The following DNAH9 variants were observed in gnomAD, a reference collection of about 807,000 sequenced individuals.
The protein encoded by DNAH9 is dynein axonemal heavy chain 9.
Under a neutral mutation model 471.6 loss-of-function variants are expected in DNAH9, and 345 were observed. That is an observed-to-expected ratio of 0.73 (90% CI 0.67 to 0.80). The LOEUF is 0.80. Among genes scored for constraint, DNAH9 ranks in the 30% least tolerant of loss-of-function variants. The probability of loss-of-function intolerance (pLI) is 0.00; values close to 1 mark genes in which losing one functional copy is unlikely to be tolerated. For missense variants in DNAH9, 5,407 were observed against 5,609.2 expected, an observed-to-expected ratio of 0.96 and a Z score of 1.15; for synonymous variants, 2,093 against 2,123.6, an observed-to-expected ratio of 0.99 and a Z score of 0.40.
At position 11,962,072 on chromosome 17, in the gene DNAH9, T is replaced by C. The variant is rs757960648; in HGVS notation, c.13049T>C (p.Phe4350Ser). 4.6e-5 allele frequency: 74 copies of C among 1,614,038 alleles called. No individual in the cohort carries two copies. Among genetic ancestry groups the C allele is most frequent in the Middle Eastern group, 1.6e-4 (1 of 6,084 alleles). The change falls in exon 68 of 69, where the codon TTC becomes TCC. Residue 4350 changes from phenylalanine (F) to serine (S), a missense_variant. By Grantham distance (155) the Phe-to-Ser change is radical (BLOSUM62 -2). This residue lies in a region of DNAH9 where 4,636 missense variants were observed against 4,900.3 expected (regional missense o/e 0.95). Coordinates refer to ENST00000262442, the MANE Select transcript of DNAH9 (RefSeq NM_001372.4). The surrounding 1 kb of genome is among the most constrained non-coding windows in gnomAD (Gnocchi z 4.1). ...TCCACTGTGTGGCTGACAGGCTTCT[T>C]CAACCCCCAGTCGTTCCTGACTGCC... ...MPSTVWLTGF[F>S]NPQSFLTAIM... is the part of the protein sequence containing the mutation.
In DNAH9 at chr17:11,933,979, G is replaced by A. The variant is rs1726780364; in HGVS notation, c.12397G>A (p.Glu4133Lys). The A allele has an allele frequency of 1.2e-6, 2 of 1,614,064 alleles. No individual in the cohort carries two copies. Among genetic ancestry groups the A allele is most frequent in the East Asian group, 2.2e-5 (1 of 44,896 alleles). Reference sequence around the variant, plus strand: ...AAGACTCTGCAGAACCTACCTGGGGGAATTCATTCGACCAGAAATGTTAGA... The same window carrying A: ...AAGACTCTGCAGAACCTACCTGGGGAAATTCATTCGACCAGAAATGTTAGA... ...DRRLCRTYLGEFIRPEMLEGE... is the reference protein window; with the variant it reads ...DRRLCRTYLGKFIRPEMLEGE... The change falls in exon 65 of 69, where the codon GAA becomes AAA. Residue 4133 changes from glutamate (E) to lysine (K), a missense_variant. Coordinates refer to ENST00000262442, the MANE Select transcript of DNAH9 (RefSeq NM_001372.4).
intron 28 of DNAH9, among the ~76,000 whole-genome samples, chr17:11,729,607 C>T (rs1397428152): frequency 6.6e-6 from 1 of 151,738 alleles, no homozygotes; most frequent in Non-Finnish European, 1.5e-5. Context: ...ATAAGGAAAG[C>T]GTTTAGCTTG....
At chr17:11,839,120 C>T (rs1567838810) in intron 49 of DNAH9, among the ~76,000 whole-genome samples, 2 of 152,158 alleles carry the variant, frequency 1.3e-5, no homozygotes, top group Admixed American at 6.5e-5. Flanking sequence ...CCTCCCACCC[C>T]CTCAAAGTTA....
At position 11,731,550 on chromosome 17, in the gene DNAH9, TC is replaced by T. The variant is rs560172054; in HGVS notation, c.5814+3634del. Reference sequence around the variant, plus strand: ...ATCTCCTAATGCTATCCCTCCCCCCTCCCCCCACCCAACAACAGGCCCCAGT... The same window carrying T: ...ATCTCCTAATGCTATCCCTCCCCCCTCCCCCACCCAACAACAGGCCCCAGT... On this transcript the variant is annotated intron_variant, in intron 28 of 68. Coordinates refer to ENST00000262442, the MANE Select transcript of DNAH9 (RefSeq NM_001372.4). Among the ~76,000 whole-genome samples, 14 of 81,122 alleles carry T rather than the reference TC, an allele frequency of 1.7e-4. No individual in the cohort carries two copies. The East Asian group carries it at 6.4e-3, about 37-fold the overall frequency. The allele number at this position is 81,122 out of a possible 152,430, so 53.2% of individuals were successfully genotyped here.
chr17:11,671,352 G>A (rs558551078), intron 17 of DNAH9, among the ~76,000 whole-genome samples: 4 of 152,170 alleles, frequency 2.6e-5, no homozygotes, highest in Non-Finnish European at 4.4e-5. Context: ...TCAAGAGGAC[G>A]GTGTATGGCA....
At chr17:11,946,199 C>CA (rs34028612) in intron 67 of DNAH9, among the ~76,000 whole-genome samples, 1,728 of 46,670 alleles carry the variant, frequency 0.037, 48 homozygotes, top group African/African-American at 0.066. Context: ...GAGTCCATCT[C>CA]AAAAAAAAAA....
chr17:11,857,549 T>C (rs1458879465), intron 50 of DNAH9, among the ~76,000 whole-genome samples: 2 of 152,338 alleles, frequency 1.3e-5, no homozygotes, highest in East Asian at 1.9e-4. Flanking sequence ...TTTAGGATAA[T>C]TCCAAGTAAA....
intron 17 of DNAH9, among the ~76,000 whole-genome samples, chr17:11,672,870 G>A (rs1355926362): frequency 4.6e-5 from 7 of 152,120 alleles, no homozygotes; most frequent in Admixed American, 4.6e-4. Flanking sequence ...GCCTCCACCT[G>A]TTATCTTTCC....
At chr17:11,746,097 A>T (rs765799519) in intron 31 of DNAH9, among the ~76,000 whole-genome samples, 2 of 152,236 alleles carry the variant, frequency 1.3e-5, no homozygotes, top group Non-Finnish European at 2.9e-5. Flanking sequence ...ATCATAATGC[A>T]ATTTCAGAGG....
At chr17:11,618,560 T>G (rs1165701505) in intron 5 of DNAH9, among the ~76,000 whole-genome samples, 1 of 141,464 alleles carries the variant, frequency 7.1e-6, no homozygotes, top group African/African-American at 2.6e-5. Context: ...CACTCCAGCT[T>G]GGCGACAGAG....
In DNAH9 at chr17:11,797,678, A is replaced by C. The variant is rs1363033739; in HGVS notation, c.8305A>C (p.Met2769Leu). Reference sequence around the variant, plus strand: ...AAATGGTATTGGGGAGCCCAAATACATGCCTGTACAGTCTTGGGAACTTTT... The same window carrying C: ...AAATGGTATTGGGGAGCCCAAATACCTGCCTGTACAGTCTTGGGAACTTTT... The part of the protein sequence containing the change: ...FANGIGEPKY[M>L]PVQSWELLTQ... The change falls in exon 43 of 69, where the codon ATG becomes CTG. Residue 2769 changes from methionine to leucine, a missense_variant. Coordinates refer to ENST00000262442, the MANE Select transcript of DNAH9 (RefSeq NM_001372.4). 3.1e-6 allele frequency: 5 copies of C among 1,614,104 alleles called. No individual in the cohort carries two copies. The highest frequency in any genetic ancestry group is 2.5e-6 in the Non-Finnish European group (3 of 1,180,038).
chr17:11,883,694 G>A lies in DNAH9; in HGVS notation c.10915G>A (p.Val3639Met). ...CTCTGGGAACTTCCTGGGAGAAACAGTGCTGGTGGAAAACCTAGAGATCAC... is the reference window on the plus strand; with the variant it reads ...CTCTGGGAACTTCCTGGGAGAAACAATGCTGGTGGAAAACCTAGAGATCAC... The part of the protein sequence containing the change: ...SASGNFLGET[V>M]LVENLEITKQ... The change falls in exon 56 of 69, where the codon GTG becomes ATG. Residue 3639 changes from valine (V) to methionine (M), a missense_variant. Val to Met is a conservative substitution (Grantham distance 21). Transcript: ENST00000262442. The A allele has an allele frequency of 6.2e-7, 1 of 1,614,150 alleles. No individual in the cohort carries two copies.
At position 11,857,675 on chromosome 17, in the gene DNAH9, G is replaced by A. The variant is rs765253707; in HGVS notation, c.9933+3247G>A. On this transcript the variant is annotated intron_variant, in intron 50 of 68. Coordinates refer to ENST00000262442, the MANE Select transcript of DNAH9 (RefSeq NM_001372.4). The stretch of plus-strand genomic sequence containing the variant: ...TTGGATATTTGTTCCTGCCCAAATC[G>A]CATGTTGAATTGTAATCCCCAGTGC... Among the ~76,000 whole-genome samples the A allele has an allele frequency of 1.1e-4, 17 of 152,158 alleles. 1 individual carries two copies. Among genetic ancestry groups the A allele is most frequent in the Admixed American group, 2.0e-4 (3 of 15,276 alleles).
chr17:11,886,911 C>T lies in DNAH9; in HGVS notation c.11058C>T (p.Tyr3686=), dbSNP rs781737482. The T allele has an allele frequency of 5.6e-6, 9 of 1,612,956 alleles. No individual in the cohort carries two copies. In the Admixed American group the frequency reaches 6.7e-5, roughly 12 times the overall value. ...RPAAARASLL[Y]FIMNDLSKIH... Reference sequence around the variant, plus strand: ...CAGCTGCCAGGGCCTCACTGCTCTACTTCATCATGAACGACCTCAGCAAGA... The same window carrying T: ...CAGCTGCCAGGGCCTCACTGCTCTATTTCATCATGAACGACCTCAGCAAGA... The change falls in exon 57 of 69, where the codon TAC becomes TAT. Residue 3686 remains tyrosine (Y), a synonymous_variant. Transcript: ENST00000262442.
In DNAH9 at chr17:11,793,494, C is replaced by T. The variant is rs574544373; in HGVS notation, c.8062-9C>T. ...TAACGTTATTTTTTTGTGTCTGTTC[C>T]CCTTGAAGGGCATTCTCTTCTCCTC... is the stretch of plus-strand genomic sequence containing the variant. On this transcript the variant is annotated splice_polypyrimidine_tract_variant and intron_variant, in intron 41 of 68. Coordinates refer to ENST00000262442, the MANE Select transcript of DNAH9 (RefSeq NM_001372.4). The T allele has an allele frequency of 1.1e-5, 17 of 1,601,806 alleles. No individual in the cohort carries two copies. The East Asian group carries it at 3.4e-4, about 32-fold the overall frequency.
At chr17:11,741,079 C>T (rs1241155326) in intron 29 of DNAH9, among the ~76,000 whole-genome samples, 1 of 152,002 alleles carries the variant, frequency 6.6e-6, no homozygotes, top group Non-Finnish European at 1.5e-5. Flanking sequence ...GTTCAGGTTG[C>T]AAAATAATTT....
intron 50 of DNAH9, among the ~76,000 whole-genome samples, chr17:11,861,281 GT>G (rs1971838500): frequency 6.6e-6 from 1 of 151,638 alleles, no homozygotes; most frequent in African/African-American, 2.4e-5. Context: ...GCGGTGTTTG[GT>G]TTTTTTCTTG....
chr17:11,877,176 A>G (rs1225982382), intron 53 of DNAH9, among the ~76,000 whole-genome samples: 1 of 151,838 alleles, frequency 6.6e-6, no homozygotes, highest in Non-Finnish European at 1.5e-5. Context: ...AATATGTTTA[A>G]AAAGTAATGG....
At chr17:11,671,890 G>T (rs2073978540) in intron 17 of DNAH9, among the ~76,000 whole-genome samples, 1 of 152,112 alleles carries the variant, frequency 6.6e-6, no homozygotes, top group Non-Finnish European at 1.5e-5. Flanking sequence ...TTGTGTCCTT[G>T]GATCCCTGTT....
Sources: gnomAD v4.1 joint callset for allele counts (sites outside exome capture counted in the v4.1 genomes callset) on GRCh38, gnomAD v4.1.1 for gene constraint, gnomAD v4.1.1 regional missense constraint, Gnocchi (gnomAD v3.1) non-coding constraint, MANE v1.5 for transcripts, NCBI Gene and HGNC (gene_info 2026-07-23, HGNC 2026-07-21) for gene names.